The following ABI1 variants were observed in gnomAD, a reference collection of about 807,000 sequenced individuals.
ABI1 encodes the protein Abelson interactor 1.
A neutral mutation model predicts 54.6 loss-of-function variants in ABI1; 14 were observed. The observed-to-expected ratio is 0.26, with a 90% CI of 0.17 to 0.40. ABI1 has a LOEUF of 0.40. Among genes scored for constraint, ABI1 ranks in the 10% least tolerant of loss-of-function variants. The pLI is 1.00. For synonymous variants in ABI1, 194 were observed against 209.3 expected (o/e 0.93, Z 0.63); for missense variants, 443 against 598.3 (o/e 0.74, Z 2.71).
At chr10:26,815,713 G>T (rs1314421685) in intron 2 of ABI1, among the ~76,000 whole-genome samples, 1 of 152,116 alleles carries the variant, frequency 6.6e-6, no homozygotes, top group East Asian at 1.9e-4. Context: ...TTTAAGACCA[G>T]CCTGGGCAAC....
At chr10:26,839,355 G>C (rs551843405) in intron 1 of ABI1, among the ~76,000 whole-genome samples, 2 of 152,150 alleles carry the variant, frequency 1.3e-5, no homozygotes, top group South Asian at 2.1e-4. Context: ...AATTAGCCAG[G>C]CATGGTGGCA....
At chr10:26,773,549 T>C (rs1451539324) in intron 3 of ABI1, among the ~76,000 whole-genome samples, 1 of 151,962 alleles carries the variant, frequency 6.6e-6, no homozygotes, top group Admixed American at 6.6e-5. Context: ...CTCTGCTTTA[T>C]AAAATAAAAA....
chr10:26,748,896 TG>T (rs1837257626), intron 10 of ABI1, 151 bp from the exon 11 acceptor site: 1 of 626,072 alleles, frequency 1.6e-6, no homozygotes, highest in Non-Finnish European at 2.7e-6. Context: ...AGTAGGTCAG[TG>T]GCCAACCATG....
intron 2 of ABI1, among the ~76,000 whole-genome samples, chr10:26,783,478 A>C (rs1220122631): frequency 6.6e-6 from 1 of 152,228 alleles, no homozygotes; most frequent in East Asian, 1.9e-4. Flanking sequence ...AAAAAATTTT[A>C]ATCAACTCAA....
chr10:26,835,777 A>ATTTTTT (rs71281567), intron 1 of ABI1, among the ~76,000 whole-genome samples: 1 of 144,376 alleles, frequency 6.9e-6, no homozygotes, highest in East Asian at 2.0e-4. Context: ...TTTTACTAAT[A>ATTTTTT]TTTTTTTTTT....
intron 3 of ABI1, among the ~76,000 whole-genome samples, chr10:26,774,064 T>C (rs1204994862): frequency 1.3e-5 from 2 of 152,154 alleles, no homozygotes; most frequent in Non-Finnish European, 2.9e-5. Flanking sequence ...GATACCAAAA[T>C]CCAAGGATGC....
At chr10:26,777,649 C>G (rs530653533) in intron 2 of ABI1, among the ~76,000 whole-genome samples, 5 of 152,028 alleles carry the variant, frequency 3.3e-5, no homozygotes, top group Non-Finnish European at 7.4e-5. Context: ...GTGGCATGTG[C>G]CTGTGGTCCC....
intron 2 of ABI1, among the ~76,000 whole-genome samples, chr10:26,796,461 A>G (rs938658961): frequency 1.3e-5 from 2 of 152,166 alleles, no homozygotes; most frequent in Non-Finnish European, 2.9e-5. Flanking sequence ...CATGCTGTAC[A>G]GGTTTGTAGC....
chr10:26,748,518 G>C lies in ABI1; in HGVS notation c.*52C>G. 3 of 1,360,920 alleles carry C rather than the reference G, an allele frequency of 2.2e-6. No homozygotes were observed. The highest frequency in any genetic ancestry group is 1.0e-6 in the Non-Finnish European group (1 of 993,000). The allele number at this position is 1,360,920 out of a possible 1,614,324, so 84.3% of individuals were successfully genotyped here. A position where few individuals can be genotyped will look rare whatever the true frequency, so the allele number is the denominator to read the frequency against. ...TAAGACAGTTCTGTTAACCATAATA[G>C]TCCCACAGTATGACTGAGTAATAAG... On this transcript the variant is annotated 3_prime_UTR_variant, in exon 11 of 11. Coordinates refer to ENST00000376140, the MANE Select transcript of ABI1 (RefSeq NM_001012750.3).
intron 10 of ABI1, 48 bp from the exon 11 acceptor site, chr10:26,748,793 AT>A: frequency 7.6e-7 from 1 of 1,315,490 alleles, no homozygotes. Flanking sequence ...TATATCCAAA[AT>A]TTACTTGAAT....
At chr10:26,782,788 C>A (rs959109353) in intron 2 of ABI1, among the ~76,000 whole-genome samples, 1 of 151,152 alleles carries the variant, frequency 6.6e-6, no homozygotes, top group African/African-American at 2.4e-5. Flanking sequence ...TACCACTTAT[C>A]ATTAGGGCAA....
At chr10:26,753,171 G>T (rs1837849382) in intron 9 of ABI1, among the ~76,000 whole-genome samples, 1 of 152,122 alleles carries the variant, frequency 6.6e-6, no homozygotes, top group Non-Finnish European at 1.5e-5. Flanking sequence ...CCTCTCGAGG[G>T]ATGAAAGGGC....
chr10:26,791,068 CAAAAAAAAA>C (rs369738380), intron 2 of ABI1, among the ~76,000 whole-genome samples: 2 of 59,138 alleles, frequency 3.4e-5, no homozygotes, highest in African/African-American at 5.8e-5. Context: ...GATTCCGTCT[CAAAAAAAAA>C]AAAAAAAAAA....
At chr10:26,764,055 G>A (rs1219338447) in intron 7 of ABI1, 8 of 884,800 alleles carry the variant, frequency 9.0e-6, no homozygotes, top group African/African-American at 3.4e-5. Context: ...GGAAGAAAAA[G>A]AAAAAAGATA....
At chr10:26,843,023 G>A (rs746623803) in intron 1 of ABI1, among the ~76,000 whole-genome samples, 8 of 151,978 alleles carry the variant, frequency 5.3e-5, no homozygotes, top group South Asian at 2.1e-4. Context: ...CAGCCTGGGC[G>A]ACAGAGCAAG....
chr10:26,845,822 A>G (rs111886450), intron 1 of ABI1, among the ~76,000 whole-genome samples: 3 of 151,950 alleles, frequency 2.0e-5, no homozygotes, highest in African/African-American at 7.3e-5. Flanking sequence ...GTCACAGTCT[A>G]CCATGATGAG....
At chr10:26,751,489 G>T in intron 10 of ABI1, 109 bp downstream of exon 10, 1 of 1,082,684 alleles carries the variant, frequency 9.2e-7, no homozygotes, top group Non-Finnish European at 1.3e-6. Context: ...ATCTTGGTTG[G>T]TAAGGCAGTT....
At chr10:26,784,114 TCA>T (rs1488347176) in intron 2 of ABI1, among the ~76,000 whole-genome samples, 1 of 152,176 alleles carries the variant, frequency 6.6e-6, no homozygotes, top group Non-Finnish European at 1.5e-5. Flanking sequence ...GAATCATCCC[TCA>T]CAAAGGACAT....
intron 2 of ABI1, among the ~76,000 whole-genome samples, chr10:26,822,176 A>G (rs1365059919): frequency 6.6e-6 from 1 of 152,188 alleles, no homozygotes; most frequent in African/African-American, 2.4e-5. Context: ...ATATATATAC[A>G]TACACACACA....
Sources: allele counts gnomAD v4.1 joint callset (sites outside exome capture counted in the v4.1 genomes callset), GRCh38; gene constraint gnomAD v4.1.1; transcripts MANE v1.5; gene names NCBI Gene and HGNC (gene_info 2026-07-23, HGNC 2026-07-21).